The following BTBD9 variants were observed in gnomAD, a reference collection of about 807,000 sequenced individuals.
BTBD9 encodes BTB domain containing 9, also known as BTB/POZ domain-containing protein 9.
Under a neutral mutation model 64.3 loss-of-function variants are expected in BTBD9, and 49 were observed. The ratio of observed to expected loss-of-function variants is 0.76; its 90% CI spans 0.61 to 0.97. The LOEUF is 0.97. Ranked by LOEUF, BTBD9 falls within the 50% of genes least tolerant of loss-of-function variation. The pLI, the probability that BTBD9 is intolerant of heterozygous loss-of-function variation, is 0.00. For synonymous variants in BTBD9, 260 were observed against 274.7 expected (o/e 0.95, Z 0.53); for missense variants, 598 against 762.1 (o/e 0.78, Z 2.53).
At chr6:38,575,105 T>G (rs1446481046) in intron 6 of BTBD9, among the ~76,000 whole-genome samples, 1 of 152,248 alleles carries the variant, frequency 6.6e-6, no homozygotes, top group African/African-American at 2.4e-5. Context: ...AAGTAACCTT[T>G]GCAAACAGTT....
chr6:38,199,993 G>A (rs903148377), intron 9 of BTBD9, among the ~76,000 whole-genome samples: 9 of 152,218 alleles, frequency 5.9e-5, no homozygotes, highest in African/African-American at 1.9e-4. Context: ...TGCCTCTACA[G>A]ACTGCACACT....
At chr6:38,369,250 C>T (rs1366777235) in intron 6 of BTBD9, among the ~76,000 whole-genome samples, 4 of 152,214 alleles carry the variant, frequency 2.6e-5, no homozygotes, top group Non-Finnish European at 5.9e-5. Flanking sequence ...ATCCATTCTT[C>T]AAACTTCTCC....
chr6:38,296,802 G>A (rs1582183352), intron 7 of BTBD9, among the ~76,000 whole-genome samples: 1 of 151,918 alleles, frequency 6.6e-6, no homozygotes, highest in African/African-American at 2.4e-5. Context: ...TCTAAACATC[G>A]TTTTTCAAGT....
intron 6 of BTBD9, among the ~76,000 whole-genome samples, chr6:38,479,966 C>T (rs766149344): frequency 1.6e-4 from 25 of 152,200 alleles, no homozygotes; most frequent in South Asian, 2.1e-4. Context: ...TGGGCTCAAG[C>T]GATCCTCCTG....
intron 6 of BTBD9, among the ~76,000 whole-genome samples, chr6:38,401,684 A>G (rs1253254046): frequency 6.6e-6 from 1 of 152,248 alleles, no homozygotes; most frequent in Non-Finnish European, 1.5e-5. Context: ...ATTCACAAAA[A>G]GGCAGTATGT....
chr6:38,267,667 C>T lies in BTBD9; in HGVS notation c.1455-11151G>A, dbSNP rs1411196851. 2.0e-5 allele frequency among the ~76,000 whole-genome samples: 3 copies of T among 152,202 alleles called. No homozygotes were observed. The East Asian group carries it at 5.8e-4, about 29-fold the overall frequency. Reference sequence around the variant, plus strand: ...TAAACCGAAGGAGAGGGGTCGGGCACGGTGGCTCACGCCTGTAATCCCAGC... The same window carrying T: ...TAAACCGAAGGAGAGGGGTCGGGCATGGTGGCTCACGCCTGTAATCCCAGC... On this transcript the variant is annotated intron_variant, in intron 8 of 10. Transcript: ENST00000481247.
chr6:38,296,591 T>C (rs1479264997), intron 7 of BTBD9, among the ~76,000 whole-genome samples: 1 of 152,176 alleles, frequency 6.6e-6, no homozygotes, highest in Non-Finnish European at 1.5e-5. Context: ...AGTATTTTAC[T>C]TCTAACTCCT....
chr6:38,434,021 A>G lies in BTBD9; in HGVS notation c.1155-88928T>C, dbSNP rs1768583903. On this transcript the variant is annotated intron_variant, in intron 6 of 10. Coordinates refer to ENST00000481247, the MANE Select transcript of BTBD9 (RefSeq NM_001099272.2). ...TCTACAAACCATATATTCTCAGCAG[A>G]TGAGTTTTACTTAACACTATATATT... is the stretch of plus-strand genomic sequence containing the variant. 3.3e-5 allele frequency among the ~76,000 whole-genome samples: 5 copies of G among 152,086 alleles called. No individual in the cohort carries two copies. In the South Asian group the frequency reaches 1.0e-3, roughly 31 times the overall value.
chr6:38,206,615 A>G (rs1235250982), intron 9 of BTBD9, among the ~76,000 whole-genome samples: 1 of 152,190 alleles, frequency 6.6e-6, no homozygotes, highest in Non-Finnish European at 1.5e-5. Flanking sequence ...TTGGCTCTGA[A>G]CGATAGTTAC....
At chr6:38,599,453 T>C (rs12665100) in intron 1 of BTBD9, among the ~76,000 whole-genome samples, 2 of 152,170 alleles carry the variant, frequency 1.3e-5, no homozygotes, top group Non-Finnish European at 2.9e-5. Flanking sequence ...GGCCAGCTAA[T>C]TGCAGGTACT....
At chr6:38,293,575 C>T (rs1582178063) in intron 7 of BTBD9, among the ~76,000 whole-genome samples, 1 of 152,242 alleles carries the variant, frequency 6.6e-6, no homozygotes, top group East Asian at 1.9e-4. Context: ...GGAAAGGATT[C>T]CCTATTTAAT....
intron 6 of BTBD9, among the ~76,000 whole-genome samples, chr6:38,367,411 A>G (rs371890457): frequency 4.1e-4 from 63 of 152,340 alleles, no homozygotes; most frequent in Admixed American, 1.5e-3. Flanking sequence ...CAGTTACACC[A>G]TAGCAGCTGC....
intron 6 of BTBD9, among the ~76,000 whole-genome samples, chr6:38,442,724 C>T (rs893695989): frequency 2.0e-4 from 26 of 127,526 alleles, no homozygotes; most frequent in Non-Finnish European, 3.7e-4. Context: ...GGCTGCAGTG[C>T]AATGGTGCAA....
At chr6:38,308,891 G>C (rs2127569244) in intron 7 of BTBD9, among the ~76,000 whole-genome samples, 1 of 151,934 alleles carries the variant, frequency 6.6e-6, no homozygotes, top group East Asian at 2.0e-4. Context: ...CCAAAGTGCT[G>C]GGATTACAGG....
At chr6:38,516,617 A>G (rs1379587951) in intron 6 of BTBD9, among the ~76,000 whole-genome samples, 1 of 152,192 alleles carries the variant, frequency 6.6e-6, no homozygotes, top group Non-Finnish European at 1.5e-5. Context: ...CTCAACTCCC[A>G]TGATGACACT....
chr6:38,317,008 T>G (rs1160279686), intron 7 of BTBD9, among the ~76,000 whole-genome samples: 1 of 152,186 alleles, frequency 6.6e-6, no homozygotes, highest in African/African-American at 2.4e-5. Flanking sequence ...GTTTTTTATT[T>G]TTTTTTTAGA....
At chr6:38,481,101 G>A (rs1343393801) in intron 6 of BTBD9, among the ~76,000 whole-genome samples, 1 of 152,158 alleles carries the variant, frequency 6.6e-6, no homozygotes, top group East Asian at 1.9e-4. Context: ...TGAGTAGGGA[G>A]AGGCAAAACA....
rs181857629 is a variant in BTBD9 at position 38,553,295 on chromosome 6, G to A, written c.1154+24305C>T. Among the ~76,000 whole-genome samples the A allele has an allele frequency of 7.9e-5, 12 of 152,266 alleles. No individual in the cohort carries two copies. The East Asian group carries it at 2.3e-3, about 29-fold the overall frequency. ...ACAAACTGGATTACCACACCATGAT[G>A]GGTCAATCTGAAAGTCAAATTAATG... On this transcript the variant is annotated intron_variant, in intron 6 of 10. Coordinates refer to ENST00000481247, the MANE Select transcript of BTBD9 (RefSeq NM_001099272.2).
chr6:38,450,814 C>T (rs1165774032), intron 6 of BTBD9, among the ~76,000 whole-genome samples: 1 of 152,186 alleles, frequency 6.6e-6, no homozygotes, highest in Non-Finnish European at 1.5e-5. Flanking sequence ...GGGGACAATG[C>T]TTGTGAATGT....
Sources: allele counts gnomAD v4.1 joint callset (sites outside exome capture counted in the v4.1 genomes callset), GRCh38; gene constraint gnomAD v4.1.1; transcripts MANE v1.5; gene names NCBI Gene and HGNC (gene_info 2026-07-23, HGNC 2026-07-21).